Variants in RGS7BP observed in about 807,000 individuals in gnomAD.
RGS7BP encodes regulator of G protein signaling 7-binding protein.
In RGS7BP, 9 loss-of-function variants were observed where a neutral mutation model predicts 31.3. The observed-to-expected ratio is 0.29, with a 90% CI of 0.17 to 0.50. The LOEUF (loss-of-function observed/expected upper bound fraction) is 0.50. Among genes scored for constraint, RGS7BP ranks in the 20% least tolerant of loss-of-function variants. The pLI is 0.98. For synonymous variants in RGS7BP, 115 were observed against 120.1 expected (o/e 0.96, Z 0.28); for missense variants, 274 against 322.0 (o/e 0.85, Z 1.14).
intron 2 of RGS7BP, among the ~76,000 whole-genome samples, chr5:64,545,054 T>C (rs1741620437): frequency 6.6e-6 from 1 of 151,942 alleles, no homozygotes; most frequent in South Asian, 2.1e-4. Context: ...TGGGCACCTG[T>C]AGTCCCAGCT....
chr5:64,508,354 C>G (rs2111866572), intron 2 of RGS7BP, among the ~76,000 whole-genome samples: 1 of 152,216 alleles, frequency 6.6e-6, no homozygotes, highest in Non-Finnish European at 1.5e-5. Context: ...AAAATAAGGT[C>G]TTAGATATAA....
chr5:64,596,110 T>C (rs568788242), intron 4 of RGS7BP, among the ~76,000 whole-genome samples: 1 of 152,326 alleles, frequency 6.6e-6, no homozygotes, highest in South Asian at 2.1e-4. Context: ...AGTGAAACCA[T>C]TTTACTTTGC....
At chr5:64,559,074 C>T (rs149935514) in intron 2 of RGS7BP, among the ~76,000 whole-genome samples, 2,810 of 152,236 alleles carry the variant, frequency 0.018, 67 homozygotes, top group African/African-American at 0.063. Flanking sequence ...TGCCTTGTGA[C>T]CTTTTGTTGC....
chr5:64,558,215 C>T (rs1056742959), intron 2 of RGS7BP, among the ~76,000 whole-genome samples: 1 of 152,128 alleles, frequency 6.6e-6, no homozygotes, highest in Non-Finnish European at 1.5e-5. Flanking sequence ...CATCTGAAAA[C>T]ATTTTTCTCT....
intron 5 of RGS7BP, among the ~76,000 whole-genome samples, chr5:64,602,619 T>C (rs976552710): frequency 1.3e-5 from 2 of 152,164 alleles, no homozygotes. Flanking sequence ...TGGATGGGAA[T>C]CACCTAGGAA....
intron 2 of RGS7BP, among the ~76,000 whole-genome samples, chr5:64,566,088 T>C (rs1194276678): frequency 6.6e-6 from 1 of 152,004 alleles, no homozygotes; most frequent in Admixed American, 6.6e-5. Context: ...ATTCATCATA[T>C]CAACTAAAGC....
chr5:64,507,603 G>A (rs1397304339), intron 1 of RGS7BP, 108 bp from the exon 2 acceptor site: 1 of 946,674 alleles, frequency 1.1e-6, no homozygotes. Flanking sequence ...TGGAGATCTG[G>A]GGAGCTGACT....
At chr5:64,550,687 A>C (rs927860782) in intron 2 of RGS7BP, among the ~76,000 whole-genome samples, 1 of 151,204 alleles carries the variant, frequency 6.6e-6, no homozygotes, top group Non-Finnish European at 1.5e-5. Flanking sequence ...CCATTAACTC[A>C]TCATTTAGCA....
intron 2 of RGS7BP, among the ~76,000 whole-genome samples, chr5:64,564,814 G>C (rs559730962): frequency 4.5e-4 from 69 of 152,092 alleles, no homozygotes; most frequent in Middle Eastern, 3.4e-3. Flanking sequence ...AGTCTGGGCG[G>C]GGGTCTCTGG....
chr5:64,593,956 A>C (rs75824718), intron 3 of RGS7BP, among the ~76,000 whole-genome samples: 8,908 of 152,240 alleles, frequency 0.059, 893 homozygotes, highest in African/African-American at 0.2. Flanking sequence ...CTCCCACTTA[A>C]TTTCATATAA....
At chr5:64,554,368 G>T (rs1160592156) in intron 2 of RGS7BP, among the ~76,000 whole-genome samples, 1 of 152,034 alleles carries the variant, frequency 6.6e-6, no homozygotes, top group Non-Finnish European at 1.5e-5. Context: ...CAAATTCCTT[G>T]GTGTTTCTGT....
chr5:64,542,705 C>T (rs890484208), intron 2 of RGS7BP, among the ~76,000 whole-genome samples: 9 of 152,150 alleles, frequency 5.9e-5, no homozygotes, highest in Admixed American at 2.0e-4. Context: ...CTTGATTTAC[C>T]AGTAAAAGGA....
At chr5:64,609,025 C>T (rs1743436214) in intron 5 of RGS7BP, 136 bp from the exon 6 acceptor site, 1 of 659,316 alleles carries the variant, frequency 1.5e-6, no homozygotes, top group Non-Finnish European at 2.8e-6. Flanking sequence ...AACCAAGAAT[C>T]ATCTGGTCCA....
chr5:64,611,954 T>G lies in RGS7BP; in HGVS notation c.*2702T>G, dbSNP rs569208153. ...GATTAGCAATAACACTGAGCTGATC[T>G]CTAGGGTTAAGAAGAGAACATTGAA... On this transcript the variant is annotated 3_prime_UTR_variant, in exon 6 of 6. Coordinates refer to ENST00000334025, the MANE Select transcript of RGS7BP (RefSeq NM_001029875.3). 1 of 152,172 alleles carries G rather than the reference T, an allele frequency of 6.6e-6. No individual in the cohort carries two copies. The highest frequency in any genetic ancestry group is 1.9e-4 in the East Asian group (1 of 5,148). 9.4% of individuals were successfully genotyped at this position (152,172 alleles called of 1,614,324 possible). A position where few individuals can be genotyped will look rare whatever the true frequency, so the allele number is the denominator to read the frequency against.
chr5:64,600,965 G>A (rs1358685180), intron 5 of RGS7BP, among the ~76,000 whole-genome samples: 2 of 152,184 alleles, frequency 1.3e-5, no homozygotes, highest in African/African-American at 4.8e-5. Context: ...TACATAGACT[G>A]AGATAGACCA....
At chr5:64,534,216 A>G (rs1484079749) in intron 2 of RGS7BP, among the ~76,000 whole-genome samples, 1 of 151,742 alleles carries the variant, frequency 6.6e-6, no homozygotes, top group Non-Finnish European at 1.5e-5. Flanking sequence ...ACCCTGAGGC[A>G]GGAACGAACT....
chr5:64,540,376 CT>C (rs1282437218), intron 2 of RGS7BP, among the ~76,000 whole-genome samples: 1 of 151,572 alleles, frequency 6.6e-6, no homozygotes, highest in Non-Finnish European at 1.5e-5. Context: ...ACTTTGTTTT[CT>C]TTTTTTTAAC....
At chr5:64,514,723 T>A (rs1190745837) in intron 2 of RGS7BP, among the ~76,000 whole-genome samples, 1 of 152,066 alleles carries the variant, frequency 6.6e-6, no homozygotes, top group Non-Finnish European at 1.5e-5. Flanking sequence ...CCCGGGGTGT[T>A]CACTTTCCCT....
At chr5:64,592,100 G>A (rs1400073505) in intron 3 of RGS7BP, among the ~76,000 whole-genome samples, 7 of 152,062 alleles carry the variant, frequency 4.6e-5, no homozygotes, top group African/African-American at 9.7e-5. Context: ...CGGTACTATC[G>A]GTAAATGAGA....
Sources: gnomAD v4.1 joint callset for allele counts (sites outside exome capture counted in the v4.1 genomes callset) on GRCh38, gnomAD v4.1.1 for gene constraint, MANE v1.5 for transcripts, NCBI Gene and HGNC (gene_info 2026-07-23, HGNC 2026-07-21) for gene names.